The following SGCG variants were observed in gnomAD, a reference collection of about 807,000 sequenced individuals.
The protein encoded by SGCG is gamma-sarcoglycan.
A neutral mutation model predicts 29.3 loss-of-function variants in SGCG; 26 were observed. That is an observed-to-expected ratio of 0.89 (90% CI 0.65 to 1.23). The LOEUF is 1.23. SGCG is among the 50% of genes most tolerant of loss of function. The pLI, the probability that SGCG is intolerant of heterozygous loss-of-function variation, is 0.00. For synonymous variants in SGCG, 145 were observed against 129.7 expected, an observed-to-expected ratio of 1.12 and a Z score of -0.80; for missense variants, 353 against 356.0, an observed-to-expected ratio of 0.99 and a Z score of 0.07.
chr13:23,253,541 T>A (rs899716589), intron 4 of SGCG, among the ~76,000 whole-genome samples: 1 of 152,236 alleles, frequency 6.6e-6, no homozygotes, highest in Admixed American at 6.5e-5. Context: ...TAAAATGTAA[T>A]TTATGTGAAC....
intron 6 of SGCG, among the ~76,000 whole-genome samples, chr13:23,298,889 G>A (rs1228866123): frequency 6.6e-6 from 1 of 152,152 alleles, no homozygotes; most frequent in Non-Finnish European, 1.5e-5. Flanking sequence ...ACTGAGGAAG[G>A]ATTGAGCAAC....
chr13:23,189,579 TG>T (rs1877157581), intron 1 of SGCG, among the ~76,000 whole-genome samples: 1 of 152,210 alleles, frequency 6.6e-6, no homozygotes, highest in South Asian at 2.1e-4. Flanking sequence ...TAAAAATAGT[TG>T]AGGTAGAGAT....
At chr13:23,255,088 T>A (rs1880128376) in intron 4 of SGCG, among the ~76,000 whole-genome samples, 1 of 152,178 alleles carries the variant, frequency 6.6e-6, no homozygotes, top group Non-Finnish European at 1.5e-5. Context: ...GGGCATTGCC[T>A]AGTGGAGCTA....
At chr13:23,176,240 GCT>G (rs1490345808), upstream of SGCG, among the ~76,000 whole-genome samples, 2 of 152,046 alleles carry the variant, frequency 1.3e-5, no homozygotes, top group Non-Finnish European at 2.9e-5. Context: ...AACTAATAAA[GCT>G]GGTGTAACTT....
intron 6 of SGCG, among the ~76,000 whole-genome samples, chr13:23,303,164 A>G (rs1031189694): frequency 2.0e-5 from 3 of 149,310 alleles, no homozygotes; most frequent in South Asian, 4.4e-4. Context: ...AATACATCAT[A>G]ATCGATTCAG....
At chr13:23,255,634 T>G (rs1030056859) in intron 4 of SGCG, among the ~76,000 whole-genome samples, 1 of 152,200 alleles carries the variant, frequency 6.6e-6, no homozygotes, top group African/African-American at 2.4e-5. Context: ...GGTAGATCCC[T>G]CATGATTGGT....
At chr13:23,299,949 A>G (rs947145959) in intron 6 of SGCG, among the ~76,000 whole-genome samples, 1 of 152,172 alleles carries the variant, frequency 6.6e-6, no homozygotes, top group Non-Finnish European at 1.5e-5. Context: ...TCTATTGAGA[A>G]AAGAAACTTG....
chr13:23,179,963 T>C (rs1003887136), upstream of SGCG, among the ~76,000 whole-genome samples: 3 of 152,144 alleles, frequency 2.0e-5, no homozygotes, highest in African/African-American at 7.2e-5. Context: ...GATGTACAAA[T>C]AATTTCATCG....
intron 1 of SGCG, among the ~76,000 whole-genome samples, chr13:23,188,127 G>T (rs775581190): frequency 6.6e-6 from 1 of 152,042 alleles, no homozygotes; most frequent in Non-Finnish European, 1.5e-5. Flanking sequence ...AACCTGAAGT[G>T]GTCTAGGAGG....
At chr13:23,247,786 A>T (rs1200310981) in intron 3 of SGCG, among the ~76,000 whole-genome samples, 7 of 43,988 alleles carry the variant, frequency 1.6e-4, no homozygotes, top group African/African-American at 4.3e-4. Context: ...TCTCTATTTA[A>T]AAAAAAAAAA....
At chr13:23,292,946 G>A (rs1446036158) in intron 5 of SGCG, among the ~76,000 whole-genome samples, 1 of 152,234 alleles carries the variant, frequency 6.6e-6, no homozygotes, top group East Asian at 1.9e-4. Flanking sequence ...GAAGAAGCAA[G>A]GAGGAAAGAA....
intron 6 of SGCG, among the ~76,000 whole-genome samples, chr13:23,310,661 A>G (rs905891981): frequency 3.9e-5 from 6 of 151,948 alleles, no homozygotes; most frequent in African/African-American, 1.2e-4. Context: ...TTTATTTACC[A>G]TGCTTTTTCT....
chr13:23,162,044 A>G, the SGCG span, among the ~76,000 whole-genome samples: 3 of 152,264 alleles, frequency 2.0e-5, no homozygotes, highest in African/African-American at 4.8e-5. Context: ...GCTAGTCTAC[A>G]TAACAGACTA....
At chr13:23,280,788 A>G (rs560653777) in intron 5 of SGCG, among the ~76,000 whole-genome samples, 2 of 152,360 alleles carry the variant, frequency 1.3e-5, no homozygotes, top group African/African-American at 4.8e-5. Context: ...TGCAAAGGAC[A>G]GCAGAGTTCT....
chr13:23,205,490 G>A (rs1456258678), intron 2 of SGCG, among the ~76,000 whole-genome samples: 3 of 152,174 alleles, frequency 2.0e-5, no homozygotes, highest in East Asian at 1.9e-4. Flanking sequence ...AGCCCAGCAC[G>A]TGCTGAACAA....
intron 1 of SGCG, among the ~76,000 whole-genome samples, chr13:23,185,132 T>C (rs959532531): frequency 1.3e-5 from 2 of 152,226 alleles, no homozygotes; most frequent in Non-Finnish European, 2.9e-5. Context: ...TGGCCTTCCC[T>C]GGTTCTGTTT....
chr13:23,222,490 CT>C (rs36174998), intron 2 of SGCG, among the ~76,000 whole-genome samples: 1 of 124,512 alleles, frequency 8.0e-6, no homozygotes, highest in Non-Finnish European at 1.7e-5. Flanking sequence ...TCAATCAGCA[CT>C]TTTTTTTACA....
chr13:23,190,330 TATC>T (rs1218972501), intron 1 of SGCG, among the ~76,000 whole-genome samples: 1 of 152,198 alleles, frequency 6.6e-6, no homozygotes, highest in Non-Finnish European at 1.5e-5. Context: ...ATGGATGTAG[TATC>T]ATCATATTCT....
the SGCG span, among the ~76,000 whole-genome samples, chr13:23,171,096 C>G: frequency 6.6e-6 from 1 of 152,148 alleles, no homozygotes; most frequent in Admixed American, 6.5e-5. Context: ...TTTATCGTAT[C>G]AGGCATATCA....
Sources: allele counts gnomAD v4.1 joint callset (sites outside exome capture counted in the v4.1 genomes callset), GRCh38; gene constraint gnomAD v4.1.1; transcripts MANE v1.5; gene names NCBI Gene and HGNC (gene_info 2026-07-23, HGNC 2026-07-21).